PALM2AKAP2: variants seen among roughly 807,000 people sequenced by gnomAD.
The protein encoded by PALM2AKAP2 is PALM2 and AKAP2 fusion.
Under a neutral mutation model 71.5 loss-of-function variants are expected in PALM2AKAP2, and 37 were observed. That is an observed-to-expected ratio of 0.52 (90% confidence interval 0.40 to 0.68). The LOEUF is 0.68. PALM2AKAP2 is among the 30% of genes least tolerant of loss of function. The pLI is 0.00. For missense variants in PALM2AKAP2, 1,224 were observed against 1,191.8 expected (o/e 1.03, Z -0.40); for synonymous variants, 468 against 478.8 (o/e 0.98, Z 0.29).
At position 109,858,521 on chromosome 9, in the gene PALM2AKAP2, G is replaced by A. The variant is rs574316929; in HGVS notation, c.46-8970G>A. Among the ~76,000 whole-genome samples, 35 of 152,258 alleles carry A rather than the reference G, an allele frequency of 2.3e-4. 1 individual carries two copies. In the South Asian group the frequency reaches 7.3e-3, roughly 32 times the overall value. On this transcript the variant is annotated intron_variant, in intron 1 of 9. Coordinates refer to the PALM2AKAP2 transcript ENST00000302798. ...CAGAAACAATAAGGGACTTGTCTAA[G>A]TCACTCAGGGAGTTCGTGGCAGAGC...
chr9:109,822,355 G>A (rs1828033495), intron 1 of PALM2AKAP2, among the ~76,000 whole-genome samples: 1 of 151,542 alleles, frequency 6.6e-6, no homozygotes. Flanking sequence ...TCCTGCCTCT[G>A]TATTTCTTCC....
intron 1 of PALM2AKAP2, among the ~76,000 whole-genome samples, chr9:109,715,280 A>G (rs1266339059): frequency 6.6e-6 from 1 of 152,216 alleles, no homozygotes; most frequent in African/African-American, 2.4e-5. Context: ...GAAATGTACA[A>G]AAGTGGTCCA....
chr9:109,989,080 C>A (rs1184941727), intron 6 of PALM2AKAP2, among the ~76,000 whole-genome samples: 1 of 152,300 alleles, frequency 6.6e-6, no homozygotes, highest in East Asian at 1.9e-4. Flanking sequence ...ATTACCCAGT[C>A]TCAGTTATAT....
intron 1 of PALM2AKAP2, among the ~76,000 whole-genome samples, chr9:109,834,238 G>T (rs1477001017): frequency 6.6e-6 from 1 of 152,118 alleles, no homozygotes; most frequent in South Asian, 2.1e-4. Context: ...AAACAGAAAA[G>T]AATGTCATTT....
At chr9:110,048,470 CCT>C (rs1267341910), upstream of PALM2AKAP2, 2 of 525,138 alleles carry the variant, frequency 3.8e-6, no homozygotes, top group Non-Finnish European at 6.6e-6. Context: ...TCCGTCTTTC[CCT>C]CTCTCCAGTC....
At chr9:109,894,365 CA>C in intron 3 of PALM2AKAP2, among the ~76,000 whole-genome samples, 1 of 152,138 alleles carries the variant, frequency 6.6e-6, no homozygotes, top group Non-Finnish European at 1.5e-5. Flanking sequence ...AACAAAAATG[CA>C]TCTAAGTTGT....
At chr9:109,806,837 G>A (rs368837878) in intron 1 of PALM2AKAP2, among the ~76,000 whole-genome samples, 2 of 152,196 alleles carry the variant, frequency 1.3e-5, no homozygotes, top group Admixed American at 6.5e-5. Context: ...TCTATATACC[G>A]TGGTAAGGAT....
intron 3 of PALM2AKAP2, among the ~76,000 whole-genome samples, chr9:109,908,808 G>GCA (rs59715039): frequency 0.026 from 3,952 of 150,196 alleles, 115 homozygotes; most frequent in African/African-American, 0.075. Context: ...GGATGCGTGT[G>GCA]CACACACACA....
intron 6 of PALM2AKAP2, among the ~76,000 whole-genome samples, chr9:109,996,612 G>A (rs1222037445): frequency 2.0e-5 from 3 of 152,170 alleles, no homozygotes; most frequent in South Asian, 4.1e-4. Flanking sequence ...TGTTTAAAAC[G>A]CACCTTTGAG....
intron 6 of PALM2AKAP2, among the ~76,000 whole-genome samples, chr9:110,004,813 G>T (rs1054028104): frequency 6.6e-6 from 1 of 152,098 alleles, no homozygotes; most frequent in African/African-American, 2.4e-5. Context: ...TCTTCCAGTT[G>T]ATCGAATTGG....
chr9:110,131,671 C>T (rs1391791946), intron 1 of PALM2AKAP2, among the ~76,000 whole-genome samples: 4 of 152,216 alleles, frequency 2.6e-5, no homozygotes, highest in African/African-American at 9.6e-5. Flanking sequence ...CAAATTCTTA[C>T]TGCTGACAGT....
intron 1 of PALM2AKAP2, among the ~76,000 whole-genome samples, chr9:109,658,018 G>C (rs1402970011): frequency 2.0e-5 from 3 of 151,796 alleles, no homozygotes; most frequent in Non-Finnish European, 4.4e-5. Flanking sequence ...GACTCACAGA[G>C]GAGGCCAAAG....
chr9:109,984,520 T>TAA (rs55667140), intron 6 of PALM2AKAP2, among the ~76,000 whole-genome samples: 4 of 144,374 alleles, frequency 2.8e-5, no homozygotes, highest in African/African-American at 1.0e-4. Context: ...ACAAAAGAAT[T>TAA]AAAAAAAAAA....
chr9:110,166,999 G>A (rs756731869), intron 3 of PALM2AKAP2, among the ~76,000 whole-genome samples: 1 of 152,230 alleles, frequency 6.6e-6, no homozygotes, highest in Non-Finnish European at 1.5e-5. Context: ...AATCATGGCA[G>A]AAGGTGAAGG....
At chr9:109,720,271 G>A (rs945592902) in intron 1 of PALM2AKAP2, among the ~76,000 whole-genome samples, 1 of 152,170 alleles carries the variant, frequency 6.6e-6, no homozygotes, top group Non-Finnish European at 1.5e-5. Context: ...TTACAGGCAT[G>A]AGCTGCTGTG....
intron 6 of PALM2AKAP2, among the ~76,000 whole-genome samples, chr9:110,014,479 T>A (rs1010529910): frequency 6.6e-6 from 1 of 151,936 alleles, no homozygotes; most frequent in African/African-American, 2.4e-5. Flanking sequence ...TTTTTAAAAA[T>A]ATACACTTGC....
At chr9:109,950,795 C>CA (rs36109595) in intron 6 of PALM2AKAP2, among the ~76,000 whole-genome samples, 45,571 of 152,132 alleles carry the variant, frequency 0.3, 7,198 homozygotes, top group East Asian at 0.55. Flanking sequence ...GAGACAACTC[C>CA]AAAATGAAAG....
At chr9:109,937,243 T>G (rs1349571255) in intron 6 of PALM2AKAP2, among the ~76,000 whole-genome samples, 1 of 152,156 alleles carries the variant, frequency 6.6e-6, no homozygotes, top group African/African-American at 2.4e-5. Context: ...AACTACCACC[T>G]TGGTTTTTAG....
At chr9:110,076,492 C>CATATATATATAT (rs149836822) in intron 1 of PALM2AKAP2, among the ~76,000 whole-genome samples, 1,815 of 106,688 alleles carry the variant, frequency 0.017, 224 homozygotes, top group African/African-American at 0.059. Context: ...ATATATTCTA[C>CATATATATATAT]ATATATATAT....
Sources: allele counts gnomAD v4.1 joint callset (sites outside exome capture counted in the v4.1 genomes callset), GRCh38; gene constraint gnomAD v4.1.1; transcripts MANE v1.5; gene names NCBI Gene and HGNC (gene_info 2026-07-23, HGNC 2026-07-21).